The following SPTAN1 variants were observed in gnomAD, a reference collection of about 807,000 sequenced individuals.
The protein encoded by SPTAN1 is spectrin alpha, non-erythrocytic 1, also known as spectrin alpha chain, non-erythrocytic 1.
In SPTAN1, 61 loss-of-function variants were observed where a neutral mutation model predicts 331.3. That is an observed-to-expected ratio of 0.18 (90% CI 0.15 to 0.23). The LOEUF is 0.23. Among genes scored for constraint, SPTAN1 ranks in the 10% least tolerant of loss-of-function variants. SPTAN1 has a pLI of 1.00. For missense variants in SPTAN1, 2,043 were observed against 3,147.9 expected, an observed-to-expected ratio of 0.65 and a Z score of 8.40; for synonymous variants, 1,153 against 1,173.9, an observed-to-expected ratio of 0.98 and a Z score of 0.36.
In SPTAN1 at chr9:128,630,077, C is replaced by T. The variant is rs12003066; in HGVS notation, c.6708-244C>T. ...AGTCATCCTGGCCTTGGGAGCAAGA[C>T]GAGTGGGCTCAGCCCTGGCCCACAC... is the stretch of plus-strand genomic sequence containing the variant. On this transcript the variant is annotated intron_variant, in intron 51 of 56. Coordinates refer to ENST00000372739, the MANE Select transcript of SPTAN1 (RefSeq NM_001130438.3). 9.0e-3 allele frequency: 6,172 copies of T among 682,702 alleles called. 244 individuals are homozygous for T. In the African/African-American group the frequency reaches 0.094, roughly 10 times the overall value. The allele number at this position is 682,702 out of a possible 1,614,324, so 42.3% of individuals were successfully genotyped here.
chr9:128,617,673 C>T lies in SPTAN1; in HGVS notation c.5391C>T (p.Tyr1797=), dbSNP rs146418243. 14 of 1,614,132 alleles carry T rather than the reference C, an allele frequency of 8.7e-6. No individual in the cohort carries two copies. In the East Asian group the frequency reaches 1.8e-4, roughly 21 times the overall value. ...AGCTGCTGGTGGGCTCAGAGGACTA[C>T]GGCCGGGACCTAACCGGCGTGCAGA... The part of the protein sequence containing the change: ...EKKLLVGSED[Y]GRDLTGVQNL... The change falls in exon 42 of 57, where the codon TAC becomes TAT. Residue 1797 remains tyrosine, a synonymous_variant. Transcript: ENST00000372739.
intron 1 of SPTAN1, among the ~76,000 whole-genome samples, chr9:128,558,639 T>C (rs10760564): frequency 0.16 from 24,543 of 152,174 alleles, 2,519 homozygotes; most frequent in East Asian, 0.44. Context: ...TCCTTTCTGG[T>C]GCTCTCAAAA....
chr9:128,575,305 G>C lies in SPTAN1; in HGVS notation c.611G>C (p.Arg204Thr). The change falls in exon 5 of 57, where the codon AGA (arginine) becomes ACA (threonine). Residue 204 changes from arginine to threonine, a missense_variant. Around this residue, in one of 12 missense-constraint regions of SPTAN1, gnomAD observed 1,038 missense variants for 1,531.5 expected, o/e 0.68. Transcript: ENST00000372739. ...ACAGATATGGCTGCTCATGAAGAAA[G>C]AGTTAATGAAGTGAACCAGTTTGCT... ...FQTDMAAHEERVNEVNQFAAK... is the reference protein window; with the variant it reads ...FQTDMAAHEETVNEVNQFAAK... 6.2e-7 allele frequency: 1 copy of C among 1,613,824 alleles called. No individual in the cohort carries two copies. The highest frequency in any genetic ancestry group is 8.5e-7 in the Non-Finnish European group (1 of 1,180,034).
chr9:128,584,658 G>A lies in SPTAN1; in HGVS notation c.2438-63G>A, dbSNP rs541027484. 1.2e-5 allele frequency: 20 copies of A among 1,614,122 alleles called. No homozygotes were observed. In the African/African-American group the frequency reaches 1.3e-4, roughly 11 times the overall value. ...TGGAACCATGGTGGTAGCTAAGAAT[G>A]ACAAATCAGTGCTGACTTTTCTCTT... On this transcript the variant is annotated intron_variant, in intron 17 of 56. Transcript: ENST00000372739.
chr9:128,606,750 T>G (rs1338430186), intron 31 of SPTAN1, among the ~76,000 whole-genome samples: 1 of 152,088 alleles, frequency 6.6e-6, no homozygotes, highest in Non-Finnish European at 1.5e-5. Flanking sequence ...CCTCCCAAAG[T>G]GCTGGGATTA....
chr9:128,628,945 C>T, intron 51 of SPTAN1: 1 of 390,954 alleles, frequency 2.6e-6, no homozygotes, highest in Non-Finnish European at 4.5e-6. Context: ...GCCCATCTTG[C>T]CCATTCCTAG....
In SPTAN1 at chr9:128,632,805, T is replaced by TAG; in HGVS notation, c.7162_7163dup. The TAG allele has an allele frequency of 6.2e-7, 1 of 1,614,058 alleles. No individual in the cohort carries two copies. Among genetic ancestry groups the TAG allele is most frequent in the Non-Finnish European group, 8.5e-7 (1 of 1,180,018 alleles). ...CTCAGGCTCTTGCTTCCCCCGCTCC[T>TAG]AGAGATGGCCATGTCTCCTTGCAAG... On this transcript the variant is annotated splice_polypyrimidine_tract_variant and splice_region_variant and intron_variant, in intron 55 of 56. Coordinates refer to ENST00000372739, the MANE Select transcript of SPTAN1 (RefSeq NM_001130438.3).
chr9:128,632,056 G>A lies in SPTAN1; in HGVS notation c.6763-71G>A. On this transcript the variant is annotated intron_variant, in intron 52 of 56. Coordinates refer to ENST00000372739, the MANE Select transcript of SPTAN1 (RefSeq NM_001130438.3). The stretch of plus-strand genomic sequence containing the variant: ...GGCCTGGAGCAGGAACCAGAGGGCA[G>A]TAAGTGGCTCCTGGGCTGGTGACTG... 2.0e-6 allele frequency: 3 copies of A among 1,534,862 alleles called. No individual in the cohort carries two copies. In the South Asian group the frequency reaches 3.5e-5, roughly 18 times the overall value.
At chr9:128,574,043 G>A (rs10988046) in intron 3 of SPTAN1, among the ~76,000 whole-genome samples, 24,420 of 152,206 alleles carry the variant, frequency 0.16, 2,501 homozygotes, top group East Asian at 0.44. Flanking sequence ...ATGAGCCGCT[G>A]CACCCAGCCT....
Position 128,615,642 on chromosome 9 carries a change from A to G in SPTAN1, c.5159A>G (p.Lys1720Arg), listed in dbSNP as rs1451766321. 6.2e-6 allele frequency: 10 copies of G among 1,613,888 alleles called. No individual in the cohort carries two copies. Among genetic ancestry groups the G allele is most frequent in the Non-Finnish European group, 8.5e-6 (10 of 1,179,976 alleles). Residue 1720 changes from lysine to arginine, a missense_variant, in exon 41 of 57, where the codon AAG becomes AGG. Coordinates refer to ENST00000372739, the MANE Select transcript of SPTAN1 (RefSeq NM_001130438.3). ...ADISAHEDRLKDLNSQADSLM... is the reference protein window; with the variant it reads ...ADISAHEDRLRDLNSQADSLM... ...TGTCCCCTGCCCCAGGATCGCCTGAAGGACCTGAACAGCCAGGCAGACAGC... is the reference window on the plus strand; with the variant it reads ...TGTCCCCTGCCCCAGGATCGCCTGAGGGACCTGAACAGCCAGGCAGACAGC...
Position 128,630,355 on chromosome 9 carries a change from T to C in SPTAN1, c.6742T>C (p.Ser2248Pro). 1 of 1,612,480 alleles carries C rather than the reference T, an allele frequency of 6.2e-7. No individual in the cohort carries two copies. Among genetic ancestry groups the C allele is most frequent in the Non-Finnish European group, 8.5e-7 (1 of 1,179,968 alleles). The change falls in exon 52 of 57, where the codon TCC becomes CCC. Residue 2248 changes from serine (S) to proline (P), a missense_variant. This residue lies in a region of SPTAN1 where 256 missense variants were observed against 376.4 expected (regional missense o/e 0.68). Coordinates refer to ENST00000372739, the MANE Select transcript of SPTAN1 (RefSeq NM_001130438.3). ...CMVEESGTLE[S>P]QLEATKRKHQ... ...GGTGGAAGAGTCGGGGACCCTCGAA[T>C]CCCAGCTTGAAGCTACCAAAGTAAG...
At chr9:128,565,909 CT>C (rs1374189815) in intron 1 of SPTAN1, among the ~76,000 whole-genome samples, 3 of 152,144 alleles carry the variant, frequency 2.0e-5, no homozygotes, top group Non-Finnish European at 4.4e-5. Flanking sequence ...GTCGTTTTTC[CT>C]GACATTTTTA....
At chr9:128,587,543 A>T in intron 19 of SPTAN1, 63 bp from the exon 20 acceptor site, 1 of 1,366,848 alleles carries the variant, frequency 7.3e-7, no homozygotes, top group Non-Finnish European at 1.0e-6. Context: ...CAGGTTGGCG[A>T]GGCAGTGGAG....
In SPTAN1 at chr9:128,625,680, G is replaced by A. The variant is rs1858627582; in HGVS notation, c.6070-89G>A. On this transcript the variant is annotated intron_variant, in intron 47 of 56. Transcript: ENST00000372739. This position sits in a 1 kb window ranked among gnomAD's most constrained non-coding sequence, Gnocchi z 4.1. ...GGTGGACAGTTTGGCTTGGGCATCTGGGGGACATGCTGGTGCCATCTGAGC... is the reference window on the plus strand; with the variant it reads ...GGTGGACAGTTTGGCTTGGGCATCTAGGGGACATGCTGGTGCCATCTGAGC... 7.8e-7 allele frequency: 1 copy of A among 1,276,972 alleles called. No individual in the cohort carries two copies. Among genetic ancestry groups the A allele is most frequent in the South Asian group, 1.2e-5 (1 of 83,726 alleles). The allele number at this position is 1,276,972 out of a possible 1,614,324, so 79.1% of individuals were successfully genotyped here. A position where few individuals can be genotyped will look rare whatever the true frequency, so the allele number is the denominator to read the frequency against.
chr9:128,608,110 C>A lies in SPTAN1; in HGVS notation c.4345-20C>A. 6.2e-7 allele frequency: 1 copy of A among 1,614,186 alleles called. No homozygotes were observed. Among genetic ancestry groups the A allele is most frequent in the Non-Finnish European group, 8.5e-7 (1 of 1,180,036 alleles). On this transcript the variant is annotated intron_variant, in intron 33 of 56. Coordinates refer to ENST00000372739, the MANE Select transcript of SPTAN1 (RefSeq NM_001130438.3). ...TTGCTGAAGGGCCTCATTTTCTCAC[C>A]TGCCTCTTGCCCTCTTTAGCTGTTC...
In SPTAN1 at chr9:128,591,676, C is replaced by G. The variant is rs764384012; in HGVS notation, c.3155+51C>G. On this transcript the variant is annotated intron_variant, in intron 22 of 56. Transcript: ENST00000372739. ...GGGCTAGGCGTCCCATAGGCATACT[C>G]TGTTCCACATGGGCCGAAGCTTAGG... 5 of 1,609,996 alleles carry G rather than the reference C, an allele frequency of 3.1e-6. No homozygotes were observed. The African/African-American group carries it at 5.3e-5, about 17-fold the overall frequency.
At chr9:128,604,443 G>A (rs766372742) in intron 29 of SPTAN1, 26 bp downstream of exon 29, 2 of 1,602,156 alleles carry the variant, frequency 1.2e-6, no homozygotes, top group Admixed American at 1.7e-5. Context: ...TGGGCTGGGA[G>A]AGGGAGAAAC....
At position 128,627,122 on chromosome 9, in the gene SPTAN1, C is replaced by T. The variant is rs1858876575; in HGVS notation, c.6577-264C>T. ...GCCACTGTACCCAGCCAGAAGTTTCCATTTCTGACAGTCCAGCAACTCCCT... is the reference window on the plus strand; with the variant it reads ...GCCACTGTACCCAGCCAGAAGTTTCTATTTCTGACAGTCCAGCAACTCCCT... On this transcript the variant is annotated intron_variant, in intron 49 of 56. Transcript: ENST00000372739. The surrounding 1 kb of genome is among the most constrained non-coding windows in gnomAD (Gnocchi z 4.9). 1 of 598,238 alleles carries T rather than the reference C, an allele frequency of 1.7e-6. No individual in the cohort carries two copies. The highest frequency in any genetic ancestry group is 3.1e-6 in the Non-Finnish European group (1 of 320,150). The allele number at this position is 598,238 out of a possible 1,614,324, so 37.1% of individuals were successfully genotyped here.
intron 1 of SPTAN1, among the ~76,000 whole-genome samples, chr9:128,560,582 C>T (rs1049287273): frequency 1.3e-5 from 2 of 150,812 alleles, no homozygotes; most frequent in Non-Finnish European, 1.5e-5. Flanking sequence ...AATTTTATCA[C>T]GTTGGCCAGG....
Sources: allele counts gnomAD v4.1 joint callset (sites outside exome capture counted in the v4.1 genomes callset), GRCh38; gene constraint gnomAD v4.1.1; regional missense constraint gnomAD v4.1.1; non-coding constraint Gnocchi (gnomAD v3.1); transcripts MANE v1.5; gene names NCBI Gene and HGNC (gene_info 2026-07-23, HGNC 2026-07-21).